The following TNFRSF8 variants were observed in gnomAD, a reference collection of about 807,000 sequenced individuals.
The protein encoded by TNFRSF8 is tumor necrosis factor receptor superfamily member 8.
TNFRSF8 carries 26 observed loss-of-function variants against 70.8 expected under a neutral mutation model. The observed-to-expected ratio is 0.37, with a 90% CI of 0.27 to 0.51. TNFRSF8 has a LOEUF of 0.51. TNFRSF8 is among the 20% of genes least tolerant of loss of function. The pLI, the probability that TNFRSF8 is intolerant of heterozygous loss-of-function variation, is 0.94. For missense variants in TNFRSF8, 720 were observed against 807.9 expected, an observed-to-expected ratio of 0.89 and a Z score of 1.32; for synonymous variants, 356 against 339.2, an observed-to-expected ratio of 1.05 and a Z score of -0.54.
At chr1:12,105,807 A>T (rs913911013) in intron 4 of TNFRSF8, among the ~76,000 whole-genome samples, 7 of 152,052 alleles carry the variant, frequency 4.6e-5, no homozygotes, top group Non-Finnish European at 8.8e-5. Context: ...CCCTGGCAGC[A>T]GGTGCCCTGT....
rs1641608061 is a variant in TNFRSF8, at chr1:12,110,343, G to A, written c.676+139G>A. On this transcript the variant is annotated intron_variant, in intron 6 of 14. Coordinates refer to ENST00000263932, the MANE Select transcript of TNFRSF8 (RefSeq NM_001243.5). The surrounding 1 kb of genome is among the most constrained non-coding windows in gnomAD (Gnocchi z 4.0). The stretch of plus-strand genomic sequence containing the variant: ...GGGAGAGAAGACGGTGGTAAGGTAT[G>A]ATCTAGGGCTGAAAGCATTGAGGGG... 2.2e-6 allele frequency: 2 copies of A among 909,476 alleles called. No individual in the cohort carries two copies. Among genetic ancestry groups the A allele is most frequent in the South Asian group, 2.0e-5 (1 of 49,484 alleles). The allele number at this position is 909,476 out of a possible 1,614,324, so 56.3% of individuals were successfully genotyped here. A position where few individuals can be genotyped will look rare whatever the true frequency, so the allele number is the denominator to read the frequency against.
chr1:12,115,065 A>ATGGCTGCGTACTATC (rs1192416472), intron 7 of TNFRSF8, among the ~76,000 whole-genome samples: 1 of 152,150 alleles, frequency 6.6e-6, no homozygotes, highest in Non-Finnish European at 1.5e-5. Flanking sequence ...TGAGTCAGAG[A>ATGGCTGCGTACTATC]TGGCTGCGTA....
chr1:12,115,445 T>C lies in TNFRSF8; in HGVS notation c.794-132T>C, dbSNP rs916131839. 1.6e-5 allele frequency: 16 copies of C among 996,684 alleles called. No individual in the cohort carries two copies. The Admixed American group carries it at 2.9e-4, about 18-fold the overall frequency. The allele number at this position is 996,684 out of a possible 1,614,324, so 61.7% of individuals were successfully genotyped here. A position where few individuals can be genotyped will look rare whatever the true frequency, so the allele number is the denominator to read the frequency against. ...ATGCTGGGAGAGCTGCTCAACGGCATAGTCAGACGAGCATTTATTTTCTTG... is the reference window on the plus strand; with the variant it reads ...ATGCTGGGAGAGCTGCTCAACGGCACAGTCAGACGAGCATTTATTTTCTTG... On this transcript the variant is annotated intron_variant, in intron 7 of 14. Coordinates refer to ENST00000263932, the MANE Select transcript of TNFRSF8 (RefSeq NM_001243.5).
chr1:12,133,684 G>A (rs2101040913), intron 12 of TNFRSF8, among the ~76,000 whole-genome samples: 1 of 144,548 alleles, frequency 6.9e-6, no homozygotes, highest in South Asian at 2.2e-4. Flanking sequence ...AGGTTGCAGT[G>A]AGCCGAGATC....
intron 1 of TNFRSF8, among the ~76,000 whole-genome samples, chr1:12,077,194 G>A (rs768459525): frequency 1.1e-4 from 17 of 152,282 alleles, no homozygotes; most frequent in Non-Finnish European, 2.5e-4. Flanking sequence ...AAAGAGCTGG[G>A]ATTATAAGTG....
chr1:12,126,227 G>C lies in TNFRSF8; in HGVS notation c.1300G>C (p.Glu434Gln). Residue 434 changes from glutamate (E) to glutamine (Q), a missense_variant, in exon 12 of 15, where the codon GAG becomes CAG. Glu to Gln is a conservative substitution (Grantham distance 29). Transcript: ENST00000263932. ...GGTCCAGACCTCCCAGCCCAAGCTA[G>C]AGCTTGTGGGTGAGTGTCCAGCCGT... ...YPVQTSQPKL[E>Q]LVDSRPRRSS... is the part of the protein sequence containing the mutation. 1 of 1,614,188 alleles carries C rather than the reference G, an allele frequency of 6.2e-7. No individual in the cohort carries two copies. The highest frequency in any genetic ancestry group is 8.5e-7 in the Non-Finnish European group (1 of 1,180,036).
intron 1 of TNFRSF8, among the ~76,000 whole-genome samples, chr1:12,071,397 G>A (rs1393445471): frequency 6.6e-6 from 1 of 152,148 alleles, no homozygotes; most frequent in Non-Finnish European, 1.5e-5. Flanking sequence ...TGAGATCGCA[G>A]CACTGCACTC....
chr1:12,137,548 GTTTT>G (rs553381567), intron 13 of TNFRSF8, among the ~76,000 whole-genome samples: 1 of 131,480 alleles, frequency 7.6e-6, no homozygotes, highest in African/African-American at 2.9e-5. Flanking sequence ...CTGTTTTTTT[GTTTT>G]TTTTTGTTTT....
At chr1:12,126,271 C>T in intron 12 of TNFRSF8, 35 bp downstream of exon 12, 3 of 1,613,652 alleles carry the variant, frequency 1.9e-6, no homozygotes, top group Non-Finnish European at 2.5e-6. Context: ...GCTGCCCGAG[C>T]CAGAGGAACA....
At position 12,115,668 on chromosome 1, in the gene TNFRSF8, C is replaced by G; in HGVS notation, c.885C>G (p.Asn295Lys). ...PGMICATSAT[N>K]SCARCVPYPI... is the part of the protein sequence containing the mutation. ...TGATCTGTGCCACATCAGCCACCAA[C>G]TCCTGTGCCCGCTGTGTCCCCTACC... is the stretch of plus-strand genomic sequence containing the variant. The change falls in exon 8 of 15, where the codon AAC (asparagine) becomes AAG (lysine). Residue 295 changes from asparagine to lysine, a missense_variant. By Grantham distance (94) the Asn-to-Lys change is moderately conservative. Transcript: ENST00000263932. 1 of 1,614,228 alleles carries G rather than the reference C, an allele frequency of 6.2e-7. No individual in the cohort carries two copies. Among genetic ancestry groups the G allele is most frequent in the Non-Finnish European group, 8.5e-7 (1 of 1,180,042 alleles).
intron 1 of TNFRSF8, among the ~76,000 whole-genome samples, chr1:12,064,778 C>T (rs141823782): frequency 6.6e-6 from 1 of 152,172 alleles, no homozygotes; most frequent in Non-Finnish European, 1.5e-5. Flanking sequence ...CCTTTCCCCC[C>T]AAGAGGGCAG....
intron 12 of TNFRSF8, among the ~76,000 whole-genome samples, chr1:12,129,262 A>T (rs574369090): frequency 5.3e-4 from 81 of 152,344 alleles, no homozygotes; most frequent in African/African-American, 1.9e-3. Context: ...TGGTATAAGT[A>T]TGAAGAATTC....
chr1:12,082,549 C>CAAAAAAAAAAAAAAA (rs34818321), intron 1 of TNFRSF8, among the ~76,000 whole-genome samples: 1 of 121,262 alleles, frequency 8.2e-6, no homozygotes, highest in African/African-American at 3.0e-5. Flanking sequence ...GACCCTGTCT[C>CAAAAAAAAAAAAAAA]AAAAAAAAAA....
chr1:12,113,055 C>A lies in TNFRSF8; in HGVS notation c.793+1041C>A, dbSNP rs564198426. Among the ~76,000 whole-genome samples, 71 of 152,352 alleles carry A rather than the reference C, an allele frequency of 4.7e-4. No homozygotes were observed. Among genetic ancestry groups the A allele is most frequent in the African/African-American group, 1.6e-3 (65 of 41,574 alleles). ...TTTTCTTAAAACTTAATTGTGAAAACAAATCATTCTTTGTACTCACAGATT... is the reference window on the plus strand; with the variant it reads ...TTTTCTTAAAACTTAATTGTGAAAAAAAATCATTCTTTGTACTCACAGATT... On this transcript the variant is annotated intron_variant, in intron 7 of 14. Transcript: ENST00000263932. The surrounding 1 kb of genome is among the most constrained non-coding windows in gnomAD (Gnocchi z 4.9).
Position 12,142,362 on chromosome 1 carries a change from T to A in TNFRSF8, c.1619T>A (p.Leu540Gln). The A allele has an allele frequency of 6.2e-7, 1 of 1,609,528 alleles. No homozygotes were observed. Among genetic ancestry groups the A allele is most frequent in the Non-Finnish European group, 8.5e-7 (1 of 1,178,230 alleles). ...VKAELPEGRG[L>Q]AGPAEPELEE... Reference sequence around the variant, plus strand: ...GCTGAGCTGCCGGAGGGCCGGGGCCTGGCGGGGCCAGCAGAGCCCGAGTTG... The same window carrying A: ...GCTGAGCTGCCGGAGGGCCGGGGCCAGGCGGGGCCAGCAGAGCCCGAGTTG... The change falls in exon 15 of 15, where the codon CTG (leucine) becomes CAG (glutamine). Residue 540 changes from leucine (L) to glutamine (Q), a missense_variant. Transcript: ENST00000263932. The surrounding 1 kb of genome is among the most constrained non-coding windows in gnomAD (Gnocchi z 5.0).
intron 2 of TNFRSF8, among the ~76,000 whole-genome samples, chr1:12,094,146 C>A (rs1403819337): frequency 6.6e-6 from 1 of 151,616 alleles, no homozygotes; most frequent in Non-Finnish European, 1.5e-5. Context: ...CCCGATGGAG[C>A]TGACATTCTT....
intron 4 of TNFRSF8, among the ~76,000 whole-genome samples, chr1:12,105,261 T>C (rs1454389023): frequency 6.6e-6 from 1 of 152,144 alleles, no homozygotes; most frequent in East Asian, 1.9e-4. Flanking sequence ...AAAGTGCCTG[T>C]GGTCCCTCCC....
At chr1:12,075,521 A>G (rs1640929458) in intron 1 of TNFRSF8, among the ~76,000 whole-genome samples, 1 of 152,074 alleles carries the variant, frequency 6.6e-6, no homozygotes, top group Non-Finnish European at 1.5e-5. Context: ...TCCCTCTTGC[A>G]TTTTTAAGTT....
intron 8 of TNFRSF8, among the ~76,000 whole-genome samples, chr1:12,120,687 C>T (rs1641812781): frequency 6.6e-6 from 1 of 152,118 alleles, no homozygotes; most frequent in South Asian, 2.1e-4. Flanking sequence ...TAAATGGAGG[C>T]TGAGTAGGCA....
Sources: allele counts gnomAD v4.1 joint callset (sites outside exome capture counted in the v4.1 genomes callset), GRCh38; gene constraint gnomAD v4.1.1; non-coding constraint Gnocchi (gnomAD v3.1); transcripts MANE v1.5; gene names NCBI Gene and HGNC (gene_info 2026-07-23, HGNC 2026-07-21).